FNTA: variants seen among roughly 807,000 people sequenced by gnomAD.
FNTA encodes the protein protein farnesyltransferase/geranylgeranyltransferase type-1 subunit alpha.
Under a neutral mutation model 55.2 loss-of-function variants are expected in FNTA, and 27 were observed. The ratio of observed to expected loss-of-function variants is 0.49; its 90% CI spans 0.36 to 0.67. The LOEUF (loss-of-function observed/expected upper bound fraction) is 0.67, where lower values mean the gene tolerates loss of function less well. Among genes scored for constraint, FNTA ranks in the 30% least tolerant of loss-of-function variants. FNTA has a pLI of 0.00. For synonymous variants in FNTA, 176 were observed against 170.7 expected (o/e 1.03, Z -0.24); for missense variants, 422 against 464.7 (o/e 0.91, Z 0.85).
intron 5 of FNTA, among the ~76,000 whole-genome samples, chr8:43,073,183 C>A (rs1810834313): frequency 6.6e-6 from 1 of 152,104 alleles, no homozygotes; most frequent in African/African-American, 2.4e-5. Context: ...TAAACTTTTC[C>A]AAATTTGATT....
Position 43,056,528 on chromosome 8 carries a change from C to T in FNTA, c.182C>T (p.Pro61Leu), listed in dbSNP as rs945754308. Residue 61 changes from proline to leucine, a missense_variant, in exon 1 of 9, where the codon CCC becomes CTC. Transcript: ENST00000302279. ...GACGGGTTTGTGAGCCTGGACTCGC[C>T]CTCCTATGTCCTGTACAGGTAACGC... The part of the protein sequence containing the change: ...MDDGFVSLDS[P>L]SYVLYRDRAE... 5.8e-6 allele frequency: 9 copies of T among 1,547,670 alleles called. No homozygotes were observed. Among genetic ancestry groups the T allele is most frequent in the Non-Finnish European group, 7.8e-6 (9 of 1,150,432 alleles).
At position 43,085,370 on chromosome 8, in the gene FNTA, C is replaced by T. The variant is rs988377928; in HGVS notation, c.*88C>T. The T allele has an allele frequency of 3.6e-5, 46 of 1,293,370 alleles. No individual in the cohort carries two copies. The highest frequency in any genetic ancestry group is 4.5e-5 in the Non-Finnish European group (41 of 919,152). 80.1% of individuals were successfully genotyped at this position (1,293,370 alleles called of 1,614,324 possible). A position where few individuals can be genotyped will look rare whatever the true frequency, so the allele number is the denominator to read the frequency against. On this transcript the variant is annotated 3_prime_UTR_variant, in exon 9 of 9. Transcript: ENST00000302279. ...CACACGAGAGTGGTCCTTCCCTTTG[C>T]CTGTGGTGTAAAAGTGCATCACACA...
intron 6 of FNTA, 23 bp from the exon 7 acceptor site, chr8:43,083,095 G>GTA (rs754854963): frequency 1.2e-5 from 16 of 1,347,600 alleles, no homozygotes; most frequent in South Asian, 3.8e-5. Context: ...TTTTAAAATT[G>GTA]TATATATATA....
intron 7 of FNTA, among the ~76,000 whole-genome samples, chr8:43,084,231 T>G (rs1285388919): frequency 6.7e-5 from 10 of 149,882 alleles, no homozygotes; most frequent in South Asian, 2.1e-4. Flanking sequence ...TTTTTTTTTT[T>G]TTTTTGGAGA....
rs373451962 is a variant in FNTA, at chr8:43,069,522, A to G, written c.402-33A>G. 1.0e-5 allele frequency: 14 copies of G among 1,344,838 alleles called. No homozygotes were observed. The African/African-American group carries it at 2.0e-4, about 19-fold the overall frequency. 83.3% of individuals were successfully genotyped at this position (1,344,838 alleles called of 1,614,324 possible). ...TGTTATTAGGGAACTTCTGTGTAATAATGCGACTTTGGATGTTGTATGTTT... is the reference window on the plus strand; with the variant it reads ...TGTTATTAGGGAACTTCTGTGTAATGATGCGACTTTGGATGTTGTATGTTT... On this transcript the variant is annotated intron_variant, in intron 3 of 8. Transcript: ENST00000302279.
chr8:43,077,918 T>A (rs1368194470), intron 6 of FNTA: 1 of 152,208 alleles, frequency 6.6e-6, no homozygotes, highest in African/African-American at 2.4e-5. Flanking sequence ...CCATAAACAT[T>A]AGTAGCCACG....
intron 4 of FNTA, among the ~76,000 whole-genome samples, chr8:43,071,223 A>G (rs1200238593): frequency 1.3e-5 from 2 of 152,202 alleles, no homozygotes; most frequent in African/African-American, 2.4e-5. Flanking sequence ...TTCAAAGTAT[A>G]TAATTCAGTG....
intron 6 of FNTA, chr8:43,078,240 C>T (rs1407541300): frequency 6.6e-6 from 1 of 152,230 alleles, no homozygotes; most frequent in African/African-American, 2.4e-5. Context: ...GCGTGCACTA[C>T]CCCTCAAGCA....
chr8:43,056,481 A>G lies in FNTA; in HGVS notation c.135A>G (p.Glu45=). Residue 45 remains glutamate, a synonymous_variant, in exon 1 of 9, where the codon GAA becomes GAG. Transcript: ENST00000302279. ...AAGAGATGGCGGCCGAGGCTGGGGA[A>G]GCCGTGGCGTCCCCCATGGACGACG... ...HKEEMAAEAG[E]AVASPMDDGF... 1 of 1,572,370 alleles carries G rather than the reference A, an allele frequency of 6.4e-7. No individual in the cohort carries two copies.
intron 5 of FNTA, among the ~76,000 whole-genome samples, chr8:43,072,588 A>G (rs1250247214): frequency 6.6e-6 from 1 of 151,982 alleles, no homozygotes; most frequent in Non-Finnish European, 1.5e-5. Flanking sequence ...TTAGCCATGC[A>G]TGGTGGCACA....
chr8:43,085,002 G>A, intron 8 of FNTA, 121 bp downstream of exon 8: 1 of 1,178,306 alleles, frequency 8.5e-7, no homozygotes, highest in Non-Finnish European at 1.2e-6. Context: ...GGCTATTTCT[G>A]GTTAGGGGCA....
chr8:43,059,866 G>A (rs532617282), intron 2 of FNTA, among the ~76,000 whole-genome samples: 16 of 152,246 alleles, frequency 1.1e-4, no homozygotes, highest in African/African-American at 2.4e-4. Flanking sequence ...TAGGTTTGCC[G>A]TATTAAGTGT....
chr8:43,083,825 C>T lies in FNTA; in HGVS notation c.845+645C>T, dbSNP rs565944657. Among the ~76,000 whole-genome samples the T allele has an allele frequency of 2.0e-5, 3 of 152,246 alleles. No homozygotes were observed. The South Asian group carries it at 6.2e-4, about 32-fold the overall frequency. ...TGTTAGCTCATGCCTGCAATCCCAG[C>T]ACTTTGGGAGGCCAAGATGGGCGGA... On this transcript the variant is annotated intron_variant, in intron 7 of 8. Transcript: ENST00000302279.
intron 4 of FNTA, 134 bp from the exon 5 acceptor site, chr8:43,072,047 G>A (rs946586893): frequency 1.8e-6 from 1 of 557,220 alleles, no homozygotes; most frequent in Non-Finnish European, 2.9e-6. Context: ...TTTCTCCACA[G>A]TGGAGTGTTA....
intron 3 of FNTA, among the ~76,000 whole-genome samples, chr8:43,065,159 C>A (rs1236176800): frequency 6.6e-6 from 1 of 151,858 alleles, no homozygotes; most frequent in East Asian, 1.9e-4. Flanking sequence ...AAACATTATT[C>A]CTTCTGTGAA....
At chr8:43,056,864 C>T (rs184571185) in intron 1 of FNTA, 2 of 154,834 alleles carry the variant, frequency 1.3e-5, no homozygotes, top group East Asian at 3.8e-4. Context: ...AAGAAATTTC[C>T]CGCTCTCTTC....
In FNTA at chr8:43,056,364, G is replaced by A. The variant is rs536925174; in HGVS notation, c.18G>A (p.Gly6=). The A allele has an allele frequency of 3.5e-5, 51 of 1,450,996 alleles. No individual in the cohort carries two copies. The highest frequency in any genetic ancestry group is 4.4e-5 in the Non-Finnish European group (49 of 1,106,462). 89.9% of individuals were successfully genotyped at this position (1,450,996 alleles called of 1,614,324 possible). A position where few individuals can be genotyped will look rare whatever the true frequency, so the allele number is the denominator to read the frequency against. Residue 6 remains glycine, a synonymous_variant, in exon 1 of 9, where the codon GGG becomes GGA. Coordinates refer to ENST00000302279, the MANE Select transcript of FNTA (RefSeq NM_002027.3). ...GAGGCGAGATGGCGGCCACCGAGGGGGTCGGGGAGGCTGCGCAAGGGGGCG... is the reference window on the plus strand; with the variant it reads ...GAGGCGAGATGGCGGCCACCGAGGGAGTCGGGGAGGCTGCGCAAGGGGGCG... The part of the protein sequence containing the change: MAATE[G]VGEAAQGGEP...
chr8:43,062,117 A>G (rs1391280176), intron 2 of FNTA, among the ~76,000 whole-genome samples: 3 of 152,022 alleles, frequency 2.0e-5, no homozygotes, highest in South Asian at 4.1e-4. Context: ...CTTTGGAGCT[A>G]TCCCAGCCTG....
At position 43,069,553 on chromosome 8, in the gene FNTA, A is replaced by G; in HGVS notation, c.402-2A>G. Reference sequence around the variant, plus strand: ...ACTTTGGATGTTGTATGTTTGCCCTAGGCATTTCCGGAGAGTTCTTTTGAA... The same window carrying G: ...ACTTTGGATGTTGTATGTTTGCCCTGGGCATTTCCGGAGAGTTCTTTTGAA... On this transcript the variant is annotated splice_acceptor_variant, in intron 3 of 8. Coordinates refer to ENST00000302279, the MANE Select transcript of FNTA (RefSeq NM_002027.3). LOFTEE classifies it high-confidence loss of function. 6.3e-7 allele frequency: 1 copy of G among 1,592,330 alleles called. No homozygotes were observed. Among genetic ancestry groups the G allele is most frequent in the Non-Finnish European group, 8.6e-7 (1 of 1,160,538 alleles).
Sources: allele counts gnomAD v4.1 joint callset (sites outside exome capture counted in the v4.1 genomes callset), GRCh38; gene constraint gnomAD v4.1.1; transcripts MANE v1.5; gene names NCBI Gene and HGNC (gene_info 2026-07-23, HGNC 2026-07-21).